SESTD1: variants seen among roughly 807,000 people sequenced by gnomAD.
SESTD1 encodes SEC14 and spectrin domain containing 1, also known as SEC14 domain and spectrin repeat-containing protein 1.
SESTD1 carries 43 observed loss-of-function variants against 101.7 expected under a neutral mutation model. The observed-to-expected ratio is 0.42, with a 90% CI of 0.33 to 0.55. The LOEUF (loss-of-function observed/expected upper bound fraction) is 0.55, where lower values mean the gene tolerates loss of function less well. Among genes scored for constraint, SESTD1 ranks in the 20% least tolerant of loss-of-function variants. The pLI is 0.07. For synonymous variants in SESTD1, 283 were observed against 286.8 expected (o/e 0.99, Z 0.13); for missense variants, 647 against 815.1 (o/e 0.79, Z 2.51).
chr2:179,264,338 C>G (rs1267072777), intron 1 of SESTD1, 161 bp downstream of exon 1: 1 of 150,504 alleles, frequency 6.6e-6, no homozygotes, highest in Non-Finnish European at 1.5e-5. Context: ...GGCGGGGGCG[C>G]CCCTCCTTCA....
intron 3 of SESTD1, among the ~76,000 whole-genome samples, chr2:179,182,775 T>A (rs2046137910): frequency 6.6e-6 from 1 of 152,176 alleles, no homozygotes. Flanking sequence ...TAAAAGATGT[T>A]TTCTACTGAT....
intron 9 of SESTD1, among the ~76,000 whole-genome samples, chr2:179,142,478 G>C: frequency 6.6e-6 from 1 of 152,130 alleles, no homozygotes; most frequent in East Asian, 1.9e-4. Flanking sequence ...GAGGCTCAGG[G>C]GTGAAGTATC....
At position 179,124,460 on chromosome 2, in the gene SESTD1, T is replaced by C. The variant is rs369180065; in HGVS notation, c.1071A>G (p.Gln357=). 6.3e-5 allele frequency: 101 copies of C among 1,614,036 alleles called. No homozygotes were observed. The highest frequency in any genetic ancestry group is 6.1e-4 in the African/African-American group (46 of 74,934). Residue 357 remains glutamine (Q), a synonymous_variant, in exon 11 of 18, where the codon CAA becomes CAG. Transcript: ENST00000428443. ...EDLVELKSLQ[Q]QLSDVCYRQA... is the part of the protein sequence containing the mutation. ...GTCGATAACAAACATCACTAAGTTGTTGCTGCAGTGACTTTAGTTCCACAA... is the reference window on the plus strand; with the variant it reads ...GTCGATAACAAACATCACTAAGTTGCTGCTGCAGTGACTTTAGTTCCACAA...
At chr2:179,146,258 C>T in intron 8 of SESTD1, 144 bp downstream of exon 8, 1 of 711,522 alleles carries the variant, frequency 1.4e-6, no homozygotes, top group Non-Finnish European at 2.4e-6. Flanking sequence ...CTGTCTTCCA[C>T]AAAACCAGTC....
At position 179,143,690 on chromosome 2, in the gene SESTD1, A is replaced by G. The variant is rs1265000235; in HGVS notation, c.751T>C (p.Leu251=). Residue 251 remains leucine, a synonymous_variant, in exon 9 of 18, where the codon TTA becomes CTA. Coordinates refer to ENST00000428443, the MANE Select transcript of SESTD1 (RefSeq NM_178123.5). ...LLAQPQVMKL[L]DSLREQYTRY... is the part of the protein sequence containing the mutation. ...GTATATTGCTCTCGGAGTGAATCTA[A>G]TAATTTCATAACCTGTGGCTGTGCA... is the stretch of plus-strand genomic sequence containing the variant. The G allele has an allele frequency of 2.5e-6, 4 of 1,613,942 alleles. No individual in the cohort carries two copies. The highest frequency in any genetic ancestry group is 2.5e-6 in the Non-Finnish European group (3 of 1,179,936).
At chr2:179,204,244 C>T (rs990726332) in intron 1 of SESTD1, among the ~76,000 whole-genome samples, 3 of 134,686 alleles carry the variant, frequency 2.2e-5, no homozygotes, top group Non-Finnish European at 4.8e-5. Flanking sequence ...TGCCCTACTC[C>T]ACGTCTTGAG....
intron 13 of SESTD1, 36 bp from the exon 14 acceptor site, chr2:179,117,649 C>T (rs1277063181): frequency 6.7e-7 from 1 of 1,498,606 alleles, no homozygotes; most frequent in Non-Finnish European, 9.0e-7. Flanking sequence ...CTCATCATTT[C>T]TGTTTTATTG....
chr2:179,255,085 G>T (rs899029028), intron 1 of SESTD1, among the ~76,000 whole-genome samples: 2 of 152,178 alleles, frequency 1.3e-5, no homozygotes, highest in African/African-American at 4.8e-5. Flanking sequence ...TATTCTGACT[G>T]CTCCGCTGAC....
intron 3 of SESTD1, among the ~76,000 whole-genome samples, chr2:179,179,565 T>G (rs567773935): frequency 2.6e-5 from 4 of 152,352 alleles, no homozygotes; most frequent in Admixed American, 2.6e-4. Context: ...CTAATTTCAC[T>G]TATGCTTTTA....
chr2:179,247,296 G>T (rs1353879538), intron 1 of SESTD1, among the ~76,000 whole-genome samples: 1 of 151,404 alleles, frequency 6.6e-6, no homozygotes, highest in African/African-American at 2.4e-5. Flanking sequence ...AAGTCTAGAT[G>T]CTGTATGAGG....
intron 9 of SESTD1, among the ~76,000 whole-genome samples, chr2:179,133,806 C>T (rs913752739): frequency 1.3e-5 from 2 of 152,042 alleles, no homozygotes; most frequent in East Asian, 1.9e-4. Context: ...AAAAATACCA[C>T]ATCATAAAGA....
intron 1 of SESTD1, among the ~76,000 whole-genome samples, chr2:179,223,571 A>G (rs1399907768): frequency 1.3e-5 from 2 of 152,128 alleles, no homozygotes; most frequent in Non-Finnish European, 2.9e-5. Context: ...AGTAAGCAAT[A>G]TTCTCTAGAA....
At chr2:179,162,479 G>A (rs2045754510) in intron 5 of SESTD1, 1 of 152,056 alleles carries the variant, frequency 6.6e-6, no homozygotes, top group Non-Finnish European at 1.5e-5. Context: ...GTATGTCACT[G>A]ATATCCAAAA....
intron 1 of SESTD1, among the ~76,000 whole-genome samples, chr2:179,246,076 G>A (rs889880411): frequency 1.3e-4 from 20 of 152,038 alleles, no homozygotes; most frequent in African/African-American, 4.1e-4. Flanking sequence ...TCAATGTGTC[G>A]AAACCCCGTC....
At position 179,123,812 on chromosome 2, in the gene SESTD1, A is replaced by G; in HGVS notation, c.1185T>C (p.Asp395=). The G allele has an allele frequency of 1.2e-6, 2 of 1,613,944 alleles. No individual in the cohort carries two copies. Among genetic ancestry groups the G allele is most frequent in the Non-Finnish European group, 1.7e-6 (2 of 1,179,870 alleles). Reference sequence around the variant, plus strand: ...CTACGCACAACATCCCTAATAAGCCATCCAACTGCTGAGACAACTAAAGCA... The same window carrying G: ...CTACGCACAACATCCCTAATAAGCCGTCCAACTGCTGAGACAACTAAAGCA... ...GVAQDLSQQL[D]GLLGMLCVDV... is the part of the protein sequence containing the mutation. The change falls in exon 12 of 18, where the codon GAT becomes GAC. Residue 395 remains aspartate, a synonymous_variant. Coordinates refer to ENST00000428443, the MANE Select transcript of SESTD1 (RefSeq NM_178123.5).
intron 9 of SESTD1, among the ~76,000 whole-genome samples, chr2:179,135,551 C>T (rs959696709): frequency 1.3e-5 from 2 of 152,062 alleles, no homozygotes; most frequent in African/African-American, 4.8e-5. Flanking sequence ...CTCAGGAGTT[C>T]AAGACCAGCC....
intron 1 of SESTD1, among the ~76,000 whole-genome samples, chr2:179,219,029 G>A (rs185988641): frequency 3.4e-4 from 51 of 147,898 alleles, no homozygotes; most frequent in African/African-American, 1.1e-3. Flanking sequence ...GGAAATCACA[G>A]GATTCACATG....
At chr2:179,255,312 T>G (rs972609484) in intron 1 of SESTD1, among the ~76,000 whole-genome samples, 1 of 152,200 alleles carries the variant, frequency 6.6e-6, no homozygotes, top group Non-Finnish European at 1.5e-5. Context: ...CTAGGTCTCT[T>G]GTGACAGTTA....
intron 1 of SESTD1, among the ~76,000 whole-genome samples, chr2:179,197,327 A>G (rs1377197120): frequency 6.6e-6 from 1 of 152,188 alleles, no homozygotes; most frequent in Non-Finnish European, 1.5e-5. Context: ...CCAAATCTAC[A>G]TCTCACTGGA....
Sources: gnomAD v4.1 joint callset for allele counts (sites outside exome capture counted in the v4.1 genomes callset) on GRCh38, gnomAD v4.1.1 for gene constraint, MANE v1.5 for transcripts, NCBI Gene and HGNC (gene_info 2026-07-23, HGNC 2026-07-21) for gene names.